FNDC1: variants seen among roughly 807,000 people sequenced by gnomAD.
FNDC1 encodes the protein fibronectin type III domain-containing protein 1.
Under a neutral mutation model 168.0 loss-of-function variants are expected in FNDC1, and 96 were observed. The ratio of observed to expected loss-of-function variants is 0.57; its 90% CI spans 0.48 to 0.68. The LOEUF is 0.68. Ranked by LOEUF, FNDC1 falls within the 30% of genes least tolerant of loss-of-function variation. The pLI, the probability that FNDC1 is intolerant of heterozygous loss-of-function variation, is 0.00. For synonymous variants in FNDC1, 1,099 were observed against 1,025.9 expected, an observed-to-expected ratio of 1.07 and a Z score of -1.36; for missense variants, 2,587 against 2,482.1, an observed-to-expected ratio of 1.04 and a Z score of -0.90.
At chr6:159,196,699 A>G (rs1782247259) in intron 1 of FNDC1, among the ~76,000 whole-genome samples, 1 of 152,198 alleles carries the variant, frequency 6.6e-6, no homozygotes, top group Non-Finnish European at 1.5e-5. Flanking sequence ...GTTGCATTAC[A>G]ATATCAGTTA....
intron 1 of FNDC1, among the ~76,000 whole-genome samples, chr6:159,189,063 T>G (rs997754419): frequency 1.1e-4 from 16 of 152,222 alleles, no homozygotes; most frequent in Non-Finnish European, 2.1e-4. Context: ...ATTTTTATTT[T>G]CATAGAAGAT....
intron 11 of FNDC1, 84 bp from the exon 12 acceptor site, chr6:159,236,131 C>G (rs1242886963): frequency 3.6e-6 from 3 of 823,476 alleles, no homozygotes; most frequent in Non-Finnish European, 6.0e-6. Context: ...TGATGTGTCA[C>G]TACTAATAGT....
intron 18 of FNDC1, among the ~76,000 whole-genome samples, chr6:159,259,060 A>G (rs1386138603): frequency 6.6e-6 from 1 of 152,240 alleles, no homozygotes; most frequent in East Asian, 1.9e-4. Flanking sequence ...TTTTAAATCC[A>G]TACTTAAAAC....
At chr6:159,240,546 T>G (rs980854749) in intron 14 of FNDC1, among the ~76,000 whole-genome samples, 6 of 152,208 alleles carry the variant, frequency 3.9e-5, no homozygotes, top group African/African-American at 1.4e-4. Flanking sequence ...ATGCCAATCC[T>G]CATGTAGCTG....
At chr6:159,230,068 C>T in intron 10 of FNDC1, 65 bp downstream of exon 10, 1 of 1,464,278 alleles carries the variant, frequency 6.8e-7, no homozygotes, top group East Asian at 2.3e-5. Flanking sequence ...TTTTGTGTTC[C>T]TTTGAATCAT....
chr6:159,197,718 G>C, intron 2 of FNDC1, 93 bp downstream of exon 2: 1 of 1,210,528 alleles, frequency 8.3e-7, no homozygotes. Context: ...ACAACCCATG[G>C]CTGGGCTCAA....
chr6:159,268,557 C>G (rs58061360), intron 22 of FNDC1, among the ~76,000 whole-genome samples: 2 of 152,152 alleles, frequency 1.3e-5, no homozygotes, highest in African/African-American at 4.8e-5. Context: ...GGATCTCTCT[C>G]TCTATCTATC....
intron 18 of FNDC1, among the ~76,000 whole-genome samples, chr6:159,260,151 C>T (rs1013553225): frequency 2.0e-5 from 3 of 152,230 alleles, no homozygotes; most frequent in Non-Finnish European, 4.4e-5. Context: ...CCCTTATGAG[C>T]TCTCTAAAAT....
chr6:159,261,423 G>T (rs1350753345), intron 19 of FNDC1, among the ~76,000 whole-genome samples, 154 bp downstream of exon 19: 1 of 152,182 alleles, frequency 6.6e-6, no homozygotes, highest in Non-Finnish European at 1.5e-5. Flanking sequence ...TTTGCTTTGT[G>T]CTAGGTTAAA....
At chr6:159,187,130 A>C (rs1386033951) in intron 1 of FNDC1, among the ~76,000 whole-genome samples, 1 of 152,172 alleles carries the variant, frequency 6.6e-6, no homozygotes, top group African/African-American at 2.4e-5. Flanking sequence ...CCTAGGGCAG[A>C]GCTGCTCACT....
At chr6:159,264,484 A>T (rs1209788079) in intron 19 of FNDC1, among the ~76,000 whole-genome samples, 1 of 152,246 alleles carries the variant, frequency 6.6e-6, no homozygotes, top group Non-Finnish European at 1.5e-5. Flanking sequence ...ACCTAGTCAG[A>T]TCACCTGTTG....
At chr6:159,219,919 A>T (rs949726) in intron 5 of FNDC1, among the ~76,000 whole-genome samples, 2,000 of 152,252 alleles carry the variant, frequency 0.013, 53 homozygotes, top group African/African-American at 0.046. Flanking sequence ...GCGAGATTCC[A>T]TTGTCAATAG....
intron 18 of FNDC1, among the ~76,000 whole-genome samples, chr6:159,257,469 G>T (rs1458336025): frequency 6.6e-6 from 1 of 152,318 alleles, no homozygotes; most frequent in Non-Finnish European, 1.5e-5. Flanking sequence ...GTACAAATGG[G>T]TCCAGCAGAC....
At position 159,271,432 on chromosome 6, in the gene FNDC1, G is replaced by C. The variant is rs747424234; in HGVS notation, c.5675G>C (p.Gly1892Ala). 6.2e-7 allele frequency: 1 copy of C among 1,607,864 alleles called. No individual in the cohort carries two copies. Among genetic ancestry groups the C allele is most frequent in the Non-Finnish European group, 8.5e-7 (1 of 1,177,150 alleles). The change falls in exon 23 of 23, where the codon GGA becomes GCA. Residue 1892 changes from glycine (G) to alanine (A), a missense_variant. Gly to Ala is a moderately conservative substitution (Grantham distance 60, BLOSUM62 0). Coordinates refer to ENST00000297267, the MANE Select transcript of FNDC1 (RefSeq NM_032532.3). ...TACGAGTGTGGGGTCTCCATCCCTG[G>C]AAAGTGGTAATCACAGGACCGTCAT... ...GWYECGVSIP[G>A]KW is the part of the protein sequence containing the mutation.
chr6:159,256,443 C>A, intron 17 of FNDC1, 80 bp from the exon 18 acceptor site: 1 of 1,038,734 alleles, frequency 9.6e-7, no homozygotes, highest in Non-Finnish European at 1.5e-6. Context: ...CTTTGCCTCA[C>A]ACCTGTCCTC....
chr6:159,196,042 A>C (rs1222432107), intron 1 of FNDC1, among the ~76,000 whole-genome samples: 2 of 152,238 alleles, frequency 1.3e-5, no homozygotes, highest in African/African-American at 4.8e-5. Context: ...AGATAAGGAA[A>C]GGTAAATGAA....
intron 5 of FNDC1, among the ~76,000 whole-genome samples, chr6:159,221,394 C>T (rs547743413): frequency 6.6e-6 from 1 of 152,300 alleles, no homozygotes; most frequent in South Asian, 2.1e-4. Flanking sequence ...TATTTTCTAA[C>T]ATAATAGTGT....
Position 159,233,168 on chromosome 6 carries a change from C to T in FNDC1, c.2656C>T (p.Pro886Ser), listed in dbSNP as rs199703012. 5 of 1,609,098 alleles carry T rather than the reference C, an allele frequency of 3.1e-6. No individual in the cohort carries two copies. Among genetic ancestry groups the T allele is most frequent in the Admixed American group, 3.4e-5 (2 of 59,240 alleles). Residue 886 changes from proline (P) to serine (S), a missense_variant, in exon 11 of 23, where the codon CCT (proline) becomes TCT (serine). Coordinates refer to ENST00000297267, the MANE Select transcript of FNDC1 (RefSeq NM_032532.3). This position sits in a 1 kb window ranked among gnomAD's most constrained non-coding sequence, Gnocchi z 4.6. Reference sequence around the variant, plus strand: ...AGACGAGGAGGATGAGAAGCCGCTTCCTGCCACCGTTGTCAATGACCACGT... The same window carrying T: ...AGACGAGGAGGATGAGAAGCCGCTTTCTGCCACCGTTGTCAATGACCACGT... ...HGDEEDEKPL[P>S]ATVVNDHVPS...
chr6:159,271,273 A>T lies in FNDC1; in HGVS notation c.5570-54A>T. 1 of 1,232,856 alleles carries T rather than the reference A, an allele frequency of 8.1e-7. No homozygotes were observed. Among genetic ancestry groups the T allele is most frequent in the Non-Finnish European group, 1.2e-6 (1 of 855,706 alleles). 76.4% of individuals were successfully genotyped at this position (1,232,856 alleles called of 1,614,324 possible). A position where few individuals can be genotyped will look rare whatever the true frequency, so the allele number is the denominator to read the frequency against. ...GAAGGAGGCTGTAAGGATGAGTTCT[A>T]CCTGTTGGTTCAGGGGCCTCTGACG... On this transcript the variant is annotated intron_variant, in intron 22 of 22. Transcript: ENST00000297267.
Sources: allele counts gnomAD v4.1 joint callset (sites outside exome capture counted in the v4.1 genomes callset), GRCh38; gene constraint gnomAD v4.1.1; non-coding constraint Gnocchi (gnomAD v3.1); transcripts MANE v1.5; gene names NCBI Gene and HGNC (gene_info 2026-07-23, HGNC 2026-07-21).